Variants in YARS1 observed in about 807,000 individuals in gnomAD.
YARS1 encodes the protein tyrosyl-tRNA synthetase 1, also known as tyrosine--tRNA ligase, cytoplasmic.
Under a neutral mutation model 62.2 loss-of-function variants are expected in YARS1, and 36 were observed. The ratio of observed to expected loss-of-function variants is 0.58; its 90% CI spans 0.44 to 0.76. The LOEUF (loss-of-function observed/expected upper bound fraction) is 0.76, where lower values mean the gene tolerates loss of function less well. Among genes scored for constraint, YARS1 ranks in the 30% least tolerant of loss-of-function variants. The pLI, the probability that YARS1 is intolerant of heterozygous loss-of-function variation, is 0.00. For missense variants in YARS1, 524 were observed against 639.8 expected (o/e 0.82, Z 1.95); for synonymous variants, 234 against 244.9 (o/e 0.96, Z 0.42).
In YARS1 at chr1:32,775,612, C is replaced by T. The variant is rs879511403; in HGVS notation, c.*369G>A. 11 of 245,972 alleles carry T rather than the reference C, an allele frequency of 4.5e-5. No homozygotes were observed. The highest frequency in any genetic ancestry group is 9.9e-5 in the Admixed American group (2 of 20,280). 15.2% of individuals were successfully genotyped at this position (245,972 alleles called of 1,614,324 possible). A position where few individuals can be genotyped will look rare whatever the true frequency, so the allele number is the denominator to read the frequency against. On this transcript the variant is annotated 3_prime_UTR_variant, in exon 13 of 13. Coordinates refer to ENST00000373477, the MANE Select transcript of YARS1 (RefSeq NM_003680.4). ...CCAGGTACCAGATCCCAGCTAGGGGCGCAGCTGCTTGGATAACTCCAAGAA... is the reference window on the plus strand; with the variant it reads ...CCAGGTACCAGATCCCAGCTAGGGGTGCAGCTGCTTGGATAACTCCAAGAA...
chr1:32,782,717 T>C, intron 8 of YARS1, 178 bp from the exon 9 acceptor site: 1 of 766,912 alleles, frequency 1.3e-6, no homozygotes, highest in Non-Finnish European at 2.1e-6. Flanking sequence ...GTGTCCAAAA[T>C]CCAAGTCTTT....
chr1:32,779,278 G>C, intron 12 of YARS1, 104 bp downstream of exon 12: 1 of 1,585,704 alleles, frequency 6.3e-7, no homozygotes. Context: ...CTCAAATGCA[G>C]GAAGTCCCAA....
intron 3 of YARS1, among the ~76,000 whole-genome samples, chr1:32,808,869 T>C (rs1220637223): frequency 6.6e-6 from 1 of 152,214 alleles, no homozygotes; most frequent in East Asian, 1.9e-4. Flanking sequence ...CATTATTTAC[T>C]GTCTGTATTT....
In YARS1 at chr1:32,806,801, T is replaced by C. The variant is rs528410537; in HGVS notation, c.381-190A>G. On this transcript the variant is annotated intron_variant, in intron 3 of 12. Coordinates refer to ENST00000373477, the MANE Select transcript of YARS1 (RefSeq NM_003680.4). The stretch of plus-strand genomic sequence containing the variant: ...CTGGCAATGCATGCTTATTTAATTA[T>C]GTTCTTGCTTAAGAAATTTCAGAGA... 1.3e-4 allele frequency among the ~76,000 whole-genome samples: 20 copies of C among 152,368 alleles called. No individual in the cohort carries two copies. The East Asian group carries it at 3.3e-3, about 25-fold the overall frequency.
Position 32,780,213 on chromosome 1 carries a change from C to T in YARS1, c.1206G>A (p.Val402=). 6.2e-7 allele frequency: 1 copy of T among 1,614,188 alleles called. No individual in the cohort carries two copies. Among genetic ancestry groups the T allele is most frequent in the African/African-American group, 1.3e-5 (1 of 75,042 alleles). The change falls in exon 11 of 13, where the codon GTG becomes GTA. Residue 402 remains valine (V), a synonymous_variant. Transcript: ENST00000373477. ...GCACGAACTGTACCAGGCCGCTCAC[C>T]ACAGTCCGTGGTTCAGCTTCCCCCA... is the stretch of plus-strand genomic sequence containing the variant. ...IDVGEAEPRT[V]VSGLVQFVPK...
chr1:32,787,118 T>C lies in YARS1; in HGVS notation c.685-43A>G, dbSNP rs778776383. ...GAAGAGGACCTCTTGTGGTTGAAAA[T>C]GAGAATATGCTCAACTAATATAAGT... On this transcript the variant is annotated intron_variant, in intron 6 of 12. Transcript: ENST00000373477. The C allele has an allele frequency of 9.9e-6, 16 of 1,612,770 alleles. 1 individual carries two copies. The Admixed American group carries it at 2.7e-4, about 27-fold the overall frequency.
chr1:32,795,348 G>A (rs1304034324), intron 5 of YARS1, among the ~76,000 whole-genome samples: 1 of 152,046 alleles, frequency 6.6e-6, no homozygotes, highest in Non-Finnish European at 1.5e-5. Flanking sequence ...AACAAAAAAT[G>A]AGTTTTACTC....
intron 5 of YARS1, among the ~76,000 whole-genome samples, chr1:32,794,367 A>T (rs899142570): frequency 1.3e-5 from 2 of 152,026 alleles, no homozygotes; most frequent in Admixed American, 1.3e-4. Flanking sequence ...TTAAAAAAAA[A>T]ATGGTAGTAA....
chr1:32,781,505 G>T, intron 9 of YARS1: 1 of 263,830 alleles, frequency 3.8e-6, no homozygotes. Flanking sequence ...GATTGCTTAA[G>T]CCCAGGACTT....
At chr1:32,792,782 A>T (rs972261955) in intron 5 of YARS1, among the ~76,000 whole-genome samples, 2 of 152,064 alleles carry the variant, frequency 1.3e-5, no homozygotes, top group African/African-American at 2.4e-5. Flanking sequence ...CGGGAGGCTG[A>T]GGCAGGAGAA....
chr1:32,798,194 T>C (rs957640330), intron 4 of YARS1: 7 of 284,410 alleles, frequency 2.5e-5, no homozygotes, highest in East Asian at 9.0e-5. Context: ...TTATTTCTTC[T>C]ATATGGGTCT....
At chr1:32,798,963 G>C (rs1363953613) in intron 4 of YARS1, among the ~76,000 whole-genome samples, 1 of 152,224 alleles carries the variant, frequency 6.6e-6, no homozygotes, top group Non-Finnish European at 1.5e-5. Flanking sequence ...TCCAGCTGGG[G>C]AGAGACATGT....
intron 1 of YARS1, among the ~76,000 whole-genome samples, chr1:32,813,227 C>A (rs1569782539): frequency 6.6e-6 from 1 of 152,206 alleles, no homozygotes. Context: ...CCACCTTGGA[C>A]GCATGTTCTC....
Position 32,817,159 on chromosome 1 carries a change from A to G in YARS1, c.57+29T>C, listed in dbSNP as rs1426669918. 5.6e-6 allele frequency: 9 copies of G among 1,613,714 alleles called. No homozygotes were observed. The African/African-American group carries it at 9.3e-5, about 17-fold the overall frequency. Reference sequence around the variant, plus strand: ...CTGAACCTCGGGCTCCTAATCCCCAACGGCGCATTTCCAACCCCCAGGCCT... The same window carrying G: ...CTGAACCTCGGGCTCCTAATCCCCAGCGGCGCATTTCCAACCCCCAGGCCT... On this transcript the variant is annotated intron_variant, in intron 1 of 12. Coordinates refer to ENST00000373477, the MANE Select transcript of YARS1 (RefSeq NM_003680.4).
At chr1:32,802,660 C>T (rs1326065884) in intron 4 of YARS1, among the ~76,000 whole-genome samples, 3 of 152,210 alleles carry the variant, frequency 2.0e-5, no homozygotes. Flanking sequence ...ATCAGGTGCA[C>T]TGTCAATGAG....
At chr1:32,794,671 T>C (rs1459516618) in intron 5 of YARS1, among the ~76,000 whole-genome samples, 1 of 150,842 alleles carries the variant, frequency 6.6e-6, no homozygotes, top group Non-Finnish European at 1.5e-5. Flanking sequence ...ATTACAGGAG[T>C]GACCCATTGC....
At chr1:32,790,908 C>T (rs1319325209) in intron 6 of YARS1, 5 of 468,090 alleles carry the variant, frequency 1.1e-5, no homozygotes, top group Non-Finnish European at 1.6e-5. Context: ...TCATCACAGT[C>T]GTATGAACAA....
intron 4 of YARS1, among the ~76,000 whole-genome samples, chr1:32,803,384 G>T (rs1327563364): frequency 6.7e-6 from 1 of 148,882 alleles, no homozygotes; most frequent in Non-Finnish European, 1.5e-5. Context: ...TGCTCACCTC[G>T]GCATCCCAAA....
chr1:32,778,161 T>C (rs187774971), intron 12 of YARS1, among the ~76,000 whole-genome samples: 31 of 152,310 alleles, frequency 2.0e-4, no homozygotes, highest in Admixed American at 1.5e-3. Flanking sequence ...CCATGAGTGT[T>C]AGTTCCATGA....
Sources: gnomAD v4.1 joint callset for allele counts (sites outside exome capture counted in the v4.1 genomes callset) on GRCh38, gnomAD v4.1.1 for gene constraint, MANE v1.5 for transcripts, NCBI Gene and HGNC (gene_info 2026-07-23, HGNC 2026-07-21) for gene names.